GRIN2A: variants seen among roughly 807,000 people sequenced by gnomAD.
GRIN2A encodes the protein glutamate ionotropic receptor NMDA type subunit 2A, also known as glutamate receptor ionotropic, NMDA 2A.
Under a neutral mutation model 113.4 loss-of-function variants are expected in GRIN2A, and 22 were observed. That is an observed-to-expected ratio of 0.19 (90% CI 0.14 to 0.28). The LOEUF is 0.28. Ranked by LOEUF, GRIN2A falls within the 10% of genes least tolerant of loss-of-function variation. The pLI is 1.00. For missense variants in GRIN2A, 1,502 were observed against 1,887.0 expected (o/e 0.80, Z 3.78); for synonymous variants, 827 against 738.4 (o/e 1.12, Z -1.94).
At chr16:10,116,446 C>A (rs969164993) in intron 2 of GRIN2A, among the ~76,000 whole-genome samples, 1 of 152,156 alleles carries the variant, frequency 6.6e-6, no homozygotes, top group African/African-American at 2.4e-5. Context: ...ATGTTCTGTA[C>A]ATGTATCCCA....
At position 9,812,366 on chromosome 16, in the gene GRIN2A, C is replaced by A. The variant is rs774500354; in HGVS notation, c.2168+9898G>T. Among the ~76,000 whole-genome samples the A allele has an allele frequency of 4.1e-4, 63 of 152,164 alleles. 1 individual carries two copies. The highest frequency in any genetic ancestry group is 7.4e-5 in the Non-Finnish European group (5 of 68,018). On this transcript the variant is annotated intron_variant, in intron 10 of 12. Transcript: ENST00000330684. The stretch of plus-strand genomic sequence containing the variant: ...AGAAATGCCTCACTTAAGCCGGTCA[C>A]GGTAACTCACGCCTGTAATCCCAGC...
chr16:9,863,380 C>T (rs1015154763), intron 4 of GRIN2A, among the ~76,000 whole-genome samples: 5 of 140,126 alleles, frequency 3.6e-5, no homozygotes, highest in Non-Finnish European at 6.3e-5. Flanking sequence ...GAGAAAGCAG[C>T]CAGAGGTGGT....
At chr16:9,779,673 C>A (rs1901825895) in intron 11 of GRIN2A, among the ~76,000 whole-genome samples, 1 of 152,072 alleles carries the variant, frequency 6.6e-6, no homozygotes, top group Non-Finnish European at 1.5e-5. Flanking sequence ...GTTTTTCTTT[C>A]CATAGAGGGT....
chr16:9,856,436 T>C lies in GRIN2A; in HGVS notation c.1123-6475A>G, dbSNP rs1030930306. Among the ~76,000 whole-genome samples, 4 of 151,736 alleles carry C rather than the reference T, an allele frequency of 2.6e-5. No homozygotes were observed. The East Asian group carries it at 7.8e-4, about 29-fold the overall frequency. On this transcript the variant is annotated intron_variant, in intron 4 of 12. Transcript: ENST00000330684. ...GAGATCGAGACCATCCTGGCTAACA[T>C]GGTGAAACCCCGTCTCTACTAAAAA...
intron 3 of GRIN2A, 149 bp from the exon 4 acceptor site, chr16:9,891,249 A>G: frequency 1.5e-6 from 1 of 677,940 alleles, no homozygotes; most frequent in Non-Finnish European, 2.7e-6. Context: ...AGAAGTATTA[A>G]TAACCATGCA....
chr16:10,169,117 C>T (rs182506990), intron 2 of GRIN2A, among the ~76,000 whole-genome samples: 8 of 152,156 alleles, frequency 5.3e-5, no homozygotes, highest in Admixed American at 4.6e-4. Context: ...TCTCCCATAT[C>T]CCCTCTGAGA....
rs372190596 is a variant in GRIN2A at position 9,840,631 on chromosome 16, T to G, written c.1651+16A>C. The G allele has an allele frequency of 8.1e-6, 13 of 1,610,092 alleles. No homozygotes were observed. Among genetic ancestry groups the G allele is most frequent in the Admixed American group, 1.7e-5 (1 of 59,964 alleles). ...TTCCTTATAGGAAAGCAATAGTCAC[T>G]ATGAAATTCACACACCTAGAAAAGC... is the stretch of plus-strand genomic sequence containing the variant. On this transcript the variant is annotated intron_variant, in intron 7 of 12. Transcript: ENST00000330684.
intron 8 of GRIN2A, among the ~76,000 whole-genome samples, chr16:9,833,519 G>T (rs183622385): frequency 1.3e-5 from 2 of 152,280 alleles, no homozygotes; most frequent in East Asian, 1.9e-4. Context: ...TGTCAGAAAA[G>T]TTCCTTCAAA....
chr16:9,769,169 C>T (rs772282462), intron 11 of GRIN2A, 80 bp from the exon 12 acceptor site: 39 of 1,048,518 alleles, frequency 3.7e-5, no homozygotes, highest in South Asian at 1.1e-4. Context: ...TTGGAACAGA[C>T]GATGTGCAAC....
intron 2 of GRIN2A, among the ~76,000 whole-genome samples, chr16:10,081,480 G>C (rs1291180335): frequency 6.6e-6 from 1 of 152,182 alleles, no homozygotes; most frequent in Non-Finnish European, 1.5e-5. Context: ...GAAATGGCAA[G>C]AACAAGCACT....
intron 10 of GRIN2A, among the ~76,000 whole-genome samples, chr16:9,811,139 A>G (rs1418431806): frequency 6.6e-6 from 1 of 152,152 alleles, no homozygotes; most frequent in Non-Finnish European, 1.5e-5. Context: ...AGCTATTCCA[A>G]ACCTGTGATG....
At chr16:10,117,745 T>A (rs1047771449) in intron 2 of GRIN2A, among the ~76,000 whole-genome samples, 1 of 152,112 alleles carries the variant, frequency 6.6e-6, no homozygotes, top group Non-Finnish European at 1.5e-5. Flanking sequence ...TTAACAGAGA[T>A]TGATTACATA....
intron 2 of GRIN2A, among the ~76,000 whole-genome samples, chr16:10,137,928 C>A (rs568147554): frequency 6.6e-6 from 1 of 152,156 alleles, no homozygotes; most frequent in Non-Finnish European, 1.5e-5. Flanking sequence ...CTCTGAGGGG[C>A]CAGCTCCTTG....
chr16:9,803,407 C>T (rs2041904204), intron 10 of GRIN2A, among the ~76,000 whole-genome samples: 1 of 151,320 alleles, frequency 6.6e-6, no homozygotes, highest in African/African-American at 2.4e-5. Flanking sequence ...AAGAGCAAAA[C>T]TCCATCTCAA....
Position 9,763,333 on chromosome 16 carries a change from G to C in GRIN2A, c.4211C>G (p.Ser1404Cys), listed in dbSNP as rs868492773. Residue 1404 changes from serine to cysteine, a missense_variant, in exon 13 of 13, where the codon TCC (serine) becomes TGC (cysteine). Physicochemically the swap from Ser to Cys is moderately radical, Grantham distance 112. Around this residue, in one of 7 missense-constraint regions of GRIN2A, gnomAD observed 832 missense variants for 789.7 expected, o/e 1.05. Transcript: ENST00000330684. ...ACAGTACGATGCCGTTGACCTCAAG[G>C]ACGACCGAAGATAGCTGTCATTCAC... is the stretch of plus-strand genomic sequence containing the variant. ...QAVNDSYLRS[S>C]LRSTASYCSR... 1 of 1,614,132 alleles carries C rather than the reference G, an allele frequency of 6.2e-7. No individual in the cohort carries two copies. The highest frequency in any genetic ancestry group is 1.1e-5 in the South Asian group (1 of 91,088).
chr16:9,864,994 G>A (rs1333874556), intron 4 of GRIN2A, among the ~76,000 whole-genome samples: 1 of 152,140 alleles, frequency 6.6e-6, no homozygotes, highest in Non-Finnish European at 1.5e-5. Flanking sequence ...GCACACTGAT[G>A]AGAATTTCAA....
intron 3 of GRIN2A, among the ~76,000 whole-genome samples, chr16:9,913,749 G>A (rs1452269556): frequency 6.6e-6 from 1 of 152,116 alleles, no homozygotes; most frequent in Non-Finnish European, 1.5e-5. Context: ...GCTATTTGAT[G>A]TTCTAGGTCC....
chr16:9,983,263 C>T (rs1376231851), intron 2 of GRIN2A, among the ~76,000 whole-genome samples: 3 of 152,156 alleles, frequency 2.0e-5, no homozygotes, highest in Non-Finnish European at 4.4e-5. Context: ...TGGCTACACC[C>T]TTCCTGGCCT....
At chr16:10,076,378 A>G (rs2047872989) in intron 2 of GRIN2A, among the ~76,000 whole-genome samples, 1 of 152,178 alleles carries the variant, frequency 6.6e-6, no homozygotes, top group African/African-American at 2.4e-5. Context: ...ACCCCTAGCC[A>G]CAATGCCAAG....
Sources: gnomAD v4.1 joint callset for allele counts (sites outside exome capture counted in the v4.1 genomes callset) on GRCh38, gnomAD v4.1.1 for gene constraint, gnomAD v4.1.1 regional missense constraint, MANE v1.5 for transcripts, NCBI Gene and HGNC (gene_info 2026-07-23, HGNC 2026-07-21) for gene names.